The following PRR16 variants were observed in gnomAD, a reference collection of about 807,000 sequenced individuals.
The protein encoded by PRR16 is proline rich 16.
In PRR16, 6 loss-of-function variants were observed where a neutral mutation model predicts 18.2. The observed-to-expected ratio is 0.33, with a 90% confidence interval of 0.18 to 0.65. PRR16 has a LOEUF of 0.65. Ranked by LOEUF, PRR16 falls within the 30% of genes least tolerant of loss-of-function variation. The pLI is 0.74. For synonymous variants in PRR16, 151 were observed against 147.8 expected (o/e 1.02, Z -0.16); for missense variants, 412 against 376.6 (o/e 1.09, Z -0.78).
At chr5:120,621,659 T>A (rs1231428745) in intron 1 of PRR16, among the ~76,000 whole-genome samples, 1 of 152,120 alleles carries the variant, frequency 6.6e-6, no homozygotes, top group Non-Finnish European at 1.5e-5. Flanking sequence ...CTCATGATAG[T>A]GAGTGAGTTC....
At chr5:120,695,637 GT>G in the PRR16 span, among the ~76,000 whole-genome samples, 1 of 152,028 alleles carries the variant, frequency 6.6e-6, no homozygotes, top group Non-Finnish European at 1.5e-5. Flanking sequence ...AATTTTGATG[GT>G]TTAGGACTAT....
chr5:120,659,186 C>T (rs1170451346), intron 1 of PRR16, among the ~76,000 whole-genome samples: 1 of 151,936 alleles, frequency 6.6e-6, no homozygotes, highest in Non-Finnish European at 1.5e-5. Flanking sequence ...AATTTGATTC[C>T]AGGACCTAGT....
chr5:120,792,821 G>A, the PRR16 span, among the ~76,000 whole-genome samples: 702 of 152,128 alleles, frequency 4.6e-3, 9 homozygotes, highest in African/African-American at 0.015. Flanking sequence ...TTAATTACAC[G>A]TTAACAAAAA....
In PRR16 at chr5:120,472,404, T is replaced by C. The variant is rs144557239; in HGVS notation, c.159+7759T>C. On this transcript the variant is annotated intron_variant, in intron 1 of 1. Transcript: ENST00000407149. ...AACAATATCAGTCAAATCAATTGCC[T>C]TCTAGCATCAGTGGTTCTTAATAGT... Among the ~76,000 whole-genome samples, 461 of 152,222 alleles carry C rather than the reference T, an allele frequency of 3.0e-3. 3 individuals are homozygous for C. Among genetic ancestry groups the C allele is most frequent in the African/African-American group, 0.011 (445 of 41,554 alleles).
At chr5:120,558,960 T>G (rs554005269) in intron 1 of PRR16, among the ~76,000 whole-genome samples, 77 of 152,180 alleles carry the variant, frequency 5.1e-4, no homozygotes, top group African/African-American at 1.8e-3. Context: ...AAATATCTAT[T>G]TAAATATTTT....
At chr5:120,785,760 C>G in the PRR16 span, among the ~76,000 whole-genome samples, 1 of 150,686 alleles carries the variant, frequency 6.6e-6, no homozygotes, top group Non-Finnish European at 1.5e-5. Flanking sequence ...TTAGTAGAGG[C>G]GGGGTTTCAC....
chr5:120,688,141 T>G (rs1273614264), downstream of PRR16, among the ~76,000 whole-genome samples: 8 of 152,246 alleles, frequency 5.3e-5, no homozygotes, highest in Non-Finnish European at 1.0e-4. Flanking sequence ...CGTATTTCTT[T>G]CCTGCCTTTT....
chr5:120,771,232 A>G, the PRR16 span, among the ~76,000 whole-genome samples: 1 of 152,058 alleles, frequency 6.6e-6, no homozygotes, highest in Non-Finnish European at 1.5e-5. Context: ...TAGGCAAATA[A>G]TGTGCTTTCT....
the PRR16 span, among the ~76,000 whole-genome samples, chr5:120,738,664 T>C: frequency 6.6e-6 from 1 of 152,194 alleles, no homozygotes. Flanking sequence ...TAGATTTCTC[T>C]TCTTAAGCAC....
upstream of PRR16, chr5:120,464,293 T>C: frequency 2.5e-6 from 1 of 408,048 alleles, no homozygotes; most frequent in Non-Finnish European, 4.0e-6. Flanking sequence ...GAGCGCCGCG[T>C]CTCGGGAGTT....
In PRR16 at chr5:120,606,902, C is replaced by T. The variant is rs561047606; in HGVS notation, c.160-79052C>T. 2.6e-4 allele frequency among the ~76,000 whole-genome samples: 35 copies of T among 137,128 alleles called. No individual in the cohort carries two copies. In the East Asian group the frequency reaches 5.6e-3, roughly 22 times the overall value. 90.0% of individuals were successfully genotyped at this position (137,128 alleles called of 152,430 possible). A position where few individuals can be genotyped will look rare whatever the true frequency, so the allele number is the denominator to read the frequency against. On this transcript the variant is annotated intron_variant, in intron 1 of 1. Transcript: ENST00000407149. ...CCTGGGAGACAGAGCAAGACCCTTTCTTAAAAAAAAAAATTGGGGTATGCC... is the reference window on the plus strand; with the variant it reads ...CCTGGGAGACAGAGCAAGACCCTTTTTTAAAAAAAAAAATTGGGGTATGCC...
At chr5:120,735,569 T>G in the PRR16 span, among the ~76,000 whole-genome samples, 1 of 152,194 alleles carries the variant, frequency 6.6e-6, no homozygotes, top group African/African-American at 2.4e-5. Flanking sequence ...TAATGATTAG[T>G]GATCATGAGC....
At chr5:120,793,515 A>G in the PRR16 span, among the ~76,000 whole-genome samples, 1 of 152,140 alleles carries the variant, frequency 6.6e-6, no homozygotes, top group Non-Finnish European at 1.5e-5. Context: ...ACATCAGAAG[A>G]CCTGAAAAAA....
intron 1 of PRR16, among the ~76,000 whole-genome samples, chr5:120,529,329 A>T (rs779606929): frequency 1.3e-5 from 2 of 152,116 alleles, no homozygotes; most frequent in Non-Finnish European, 2.9e-5. Flanking sequence ...GCACAGGGGG[A>T]TAGTAGCTAC....
At chr5:120,752,879 G>T in the PRR16 span, among the ~76,000 whole-genome samples, 13 of 151,810 alleles carry the variant, frequency 8.6e-5, no homozygotes, top group Non-Finnish European at 1.6e-4. Context: ...TATTTTCTCA[G>T]GTACAGAATG....
At chr5:120,531,146 TTGTCTG>T (rs1405392783) in intron 1 of PRR16, among the ~76,000 whole-genome samples, 1 of 152,134 alleles carries the variant, frequency 6.6e-6, no homozygotes, top group Non-Finnish European at 1.5e-5. Flanking sequence ...AGATTACAAG[TTGTCTG>T]TTCCCATGCA....
chr5:120,470,809 C>T (rs778324455), intron 1 of PRR16, among the ~76,000 whole-genome samples: 3 of 152,102 alleles, frequency 2.0e-5, no homozygotes, highest in Non-Finnish European at 2.9e-5. Context: ...AAGTCATTTG[C>T]CCAACTCACT....
intron 1 of PRR16, among the ~76,000 whole-genome samples, chr5:120,619,496 TCA>T (rs1561577306): frequency 6.6e-6 from 1 of 152,102 alleles, no homozygotes; most frequent in Non-Finnish European, 1.5e-5. Context: ...TTGATTTCAA[TCA>T]CAGAGCTAGT....
chr5:120,703,283 G>A, the PRR16 span, among the ~76,000 whole-genome samples: 8 of 152,304 alleles, frequency 5.3e-5, no homozygotes, highest in Admixed American at 3.3e-4. Flanking sequence ...GTGGTGGAAT[G>A]TTATCAGTTA....
Sources: gnomAD v4.1 joint callset for allele counts (sites outside exome capture counted in the v4.1 genomes callset) on GRCh38, gnomAD v4.1.1 for gene constraint, MANE v1.5 for transcripts, NCBI Gene and HGNC (gene_info 2026-07-23, HGNC 2026-07-21) for gene names.